Variants in CPT1A observed in about 807,000 individuals in gnomAD.
CPT1A encodes carnitine O-palmitoyltransferase 1, liver isoform.
CPT1A carries 64 observed loss-of-function variants against 100.8 expected under a neutral mutation model. The ratio of observed to expected loss-of-function variants is 0.63; its 90% CI spans 0.52 to 0.78. CPT1A has a LOEUF of 0.78. Ranked by LOEUF, CPT1A falls within the 30% of genes least tolerant of loss-of-function variation. The probability of loss-of-function intolerance (pLI) is 0.00; values close to 1 mark genes in which losing one functional copy is unlikely to be tolerated. For missense variants in CPT1A, 802 were observed against 1,034.1 expected, an observed-to-expected ratio of 0.78 and a Z score of 3.08; for synonymous variants, 363 against 396.0, an observed-to-expected ratio of 0.92 and a Z score of 0.99.
chr11:68,783,570 C>T (rs550623578), intron 10 of CPT1A, among the ~76,000 whole-genome samples: 5 of 152,228 alleles, frequency 3.3e-5, no homozygotes, highest in Non-Finnish European at 7.3e-5. Context: ...CTGCCCCTCC[C>T]GCCTTACTCC....
At chr11:68,825,497 T>C (rs1594372524) in intron 1 of CPT1A, among the ~76,000 whole-genome samples, 1 of 152,238 alleles carries the variant, frequency 6.6e-6, no homozygotes, top group East Asian at 1.9e-4. Context: ...GGCCAGAGCA[T>C]GTGGAAAGTT....
chr11:68,766,024 G>C (rs1481550785), intron 14 of CPT1A, among the ~76,000 whole-genome samples: 1 of 151,930 alleles, frequency 6.6e-6, no homozygotes, highest in African/African-American at 2.4e-5. Context: ...GATGCGTGCT[G>C]CCATACCTGG....
chr11:68,828,769 G>A (rs1422369280), intron 1 of CPT1A, among the ~76,000 whole-genome samples: 2 of 152,190 alleles, frequency 1.3e-5, no homozygotes, highest in Non-Finnish European at 2.9e-5. Flanking sequence ...GCTGGTGGGG[G>A]CTCTGCCACA....
chr11:68,786,407 G>C (rs536270788), intron 9 of CPT1A, among the ~76,000 whole-genome samples: 1 of 152,324 alleles, frequency 6.6e-6, no homozygotes, highest in Admixed American at 6.5e-5. Flanking sequence ...CAAAAGGCTA[G>C]AAAGTGTAGG....
Position 68,778,391 on chromosome 11 carries a change from C to T in CPT1A, c.1458+2249G>A, listed in dbSNP as rs537199315. On this transcript the variant is annotated intron_variant, in intron 12 of 18. Transcript: ENST00000265641. ...AAGACTTTGCAAGAAAAAACTGGCA[C>T]CAGAATTTGTTTATCTCTTGGGGGA... 1.3e-4 allele frequency among the ~76,000 whole-genome samples: 20 copies of T among 152,256 alleles called. No individual in the cohort carries two copies. The South Asian group carries it at 3.9e-3, about 30-fold the overall frequency.
chr11:68,826,733 C>CA (rs5792453), intron 1 of CPT1A, among the ~76,000 whole-genome samples: 110,723 of 142,424 alleles, frequency 0.78, 44,860 homozygotes, highest in Non-Finnish European at 0.91. Flanking sequence ...GACTCCCTGT[C>CA]AAAAAAAAAA....
Position 68,793,359 on chromosome 11 carries a change from C to A in CPT1A, c.923G>T (p.Trp308Leu). 2 of 1,612,272 alleles carry A rather than the reference C, an allele frequency of 1.2e-6. No individual in the cohort carries two copies. Among genetic ancestry groups the A allele is most frequent in the Non-Finnish European group, 1.7e-6 (2 of 1,179,322 alleles). Reference sequence around the variant, plus strand: ...CCGGGAAGTATTAAACATCCGCTCCCACTGAGCGGAGCAGAGTGGAATCGT... The same window carrying A: ...CCGGGAAGTATTAAACATCCGCTCCAACTGAGCGGAGCAGAGTGGAATCGT... The part of the protein sequence containing the change: ...GSTIPLCSAQ[W>L]ERMFNTSRIP... The change falls in exon 9 of 19, where the codon TGG becomes TTG. Residue 308 changes from tryptophan to leucine, a missense_variant. Transcript: ENST00000265641.
chr11:68,836,198 C>T (rs540340663), intron 1 of CPT1A, among the ~76,000 whole-genome samples: 3 of 152,266 alleles, frequency 2.0e-5, no homozygotes, highest in East Asian at 3.9e-4. Flanking sequence ...CCAGGAAGCC[C>T]GGCGTGGTGG....
intron 14 of CPT1A, among the ~76,000 whole-genome samples, chr11:68,768,740 C>T (rs1854898384): frequency 6.6e-6 from 1 of 152,174 alleles, no homozygotes; most frequent in African/African-American, 2.4e-5. Flanking sequence ...AGCTTGCTCA[C>T]ACGTGTTTTT....
chr11:68,793,896 A>G (rs557244769), intron 8 of CPT1A, among the ~76,000 whole-genome samples: 1 of 152,316 alleles, frequency 6.6e-6, no homozygotes, highest in African/African-American at 2.4e-5. Context: ...GGACTCATTA[A>G]ACCATGCCAG....
chr11:68,782,211 A>C (rs1855332239), intron 10 of CPT1A, among the ~76,000 whole-genome samples: 1 of 152,164 alleles, frequency 6.6e-6, no homozygotes, highest in South Asian at 2.1e-4. Context: ...GCCAGATTGC[A>C]GGCTGGCCCC....
At chr11:68,804,747 C>T (rs1221835827) in intron 4 of CPT1A, among the ~76,000 whole-genome samples, 1 of 152,222 alleles carries the variant, frequency 6.6e-6, no homozygotes, top group Admixed American at 6.5e-5. Flanking sequence ...TCCGCAAGGC[C>T]CTTAGTTTCG....
At chr11:68,801,466 C>T (rs1855901586) in intron 5 of CPT1A, among the ~76,000 whole-genome samples, 1 of 152,196 alleles carries the variant, frequency 6.6e-6, no homozygotes, top group Admixed American at 6.6e-5. Flanking sequence ...CCTGTCTCTA[C>T]TAAAAATACA....
chr11:68,799,473 G>A, intron 5 of CPT1A, 118 bp from the exon 6 acceptor site: 1 of 1,136,926 alleles, frequency 8.8e-7, no homozygotes. Context: ...TTTAGGCTGG[G>A]CATGGTGGCT....
intron 1 of CPT1A, among the ~76,000 whole-genome samples, chr11:68,834,727 C>T (rs926170705): frequency 5.3e-5 from 8 of 152,082 alleles, no homozygotes; most frequent in South Asian, 4.1e-4. Flanking sequence ...GATGACAGAG[C>T]GAGACCCTGT....
intron 5 of CPT1A, 83 bp downstream of exon 5, chr11:68,803,917 G>T: frequency 9.2e-7 from 1 of 1,091,398 alleles, no homozygotes; most frequent in Non-Finnish European, 1.4e-6. Context: ...CCAAATGGCG[G>T]TGACCTAGTT....
At chr11:68,802,896 C>CAAAAAAAAAAAA (rs901808584) in intron 5 of CPT1A, among the ~76,000 whole-genome samples, 30 of 44,888 alleles carry the variant, frequency 6.7e-4, no homozygotes, top group Non-Finnish European at 9.3e-4. Context: ...GACCCTGTCT[C>CAAAAAAAAAAAA]AAAAAAAAAA....
At chr11:68,794,741 T>A (rs1266311401) in intron 8 of CPT1A, 63 bp downstream of exon 8, 2 of 1,335,762 alleles carry the variant, frequency 1.5e-6, no homozygotes, top group East Asian at 4.6e-5. Context: ...ATGTGCAATA[T>A]GTCAATTATA....
chr11:68,775,508 G>T, intron 12 of CPT1A, 76 bp from the exon 13 acceptor site: 1 of 1,161,114 alleles, frequency 8.6e-7, no homozygotes, highest in Non-Finnish European at 1.3e-6. Context: ...TGAAGAGAGG[G>T]TTGTTCTTTG....
Sources: gnomAD v4.1 joint callset for allele counts (sites outside exome capture counted in the v4.1 genomes callset) on GRCh38, gnomAD v4.1.1 for gene constraint, MANE v1.5 for transcripts, NCBI Gene and HGNC (gene_info 2026-07-23, HGNC 2026-07-21) for gene names.